The following EFNB2 variants were observed in gnomAD, a reference collection of about 807,000 sequenced individuals.
The protein encoded by EFNB2 is ephrin-B2.
EFNB2 carries 5 observed loss-of-function variants against 32.1 expected under a neutral mutation model. The ratio of observed to expected loss-of-function variants is 0.16; its 90% CI spans 0.08 to 0.33. The LOEUF (loss-of-function observed/expected upper bound fraction) is 0.33, where lower values mean the gene tolerates loss of function less well. Among genes scored for constraint, EFNB2 ranks in the 10% least tolerant of loss-of-function variants. EFNB2 has a pLI of 1.00. For synonymous variants in EFNB2, 168 were observed against 166.5 expected, an observed-to-expected ratio of 1.01 and a Z score of -0.07; for missense variants, 263 against 422.6, an observed-to-expected ratio of 0.62 and a Z score of 3.31.
At chr13:106,523,111 G>A (rs975639818) in intron 1 of EFNB2, among the ~76,000 whole-genome samples, 1 of 152,130 alleles carries the variant, frequency 6.6e-6, no homozygotes, top group East Asian at 1.9e-4. Context: ...GGTCTGCTGT[G>A]GGCGTATGAC....
chr13:106,495,005 A>G lies in EFNB2; in HGVS notation c.500-11T>C. On this transcript the variant is annotated splice_polypyrimidine_tract_variant and intron_variant, in intron 3 of 4. Coordinates refer to ENST00000646441, the MANE Select transcript of EFNB2 (RefSeq NM_004093.4). ...CAGCAGAACTTGCATCTATATGAAA[A>G]ACAAATGATTAATTACGGCACAGAC... 1 of 1,606,204 alleles carries G rather than the reference A, an allele frequency of 6.2e-7. No individual in the cohort carries two copies.
At chr13:106,534,421 G>C (rs1594181862) in intron 1 of EFNB2, among the ~76,000 whole-genome samples, 1 of 152,206 alleles carries the variant, frequency 6.6e-6, no homozygotes, top group East Asian at 1.9e-4. Context: ...GCGGGCCCCG[G>C]ACCACGCCGC....
At chr13:106,524,046 G>A (rs764321810) in intron 1 of EFNB2, among the ~76,000 whole-genome samples, 2 of 152,154 alleles carry the variant, frequency 1.3e-5, no homozygotes, top group Non-Finnish European at 2.9e-5. Flanking sequence ...TGACTATTAT[G>A]TATTGTAATA....
intron 2 of EFNB2, among the ~76,000 whole-genome samples, chr13:106,503,181 C>T (rs141029377): frequency 6.6e-6 from 1 of 151,766 alleles, no homozygotes. Context: ...CTTTCTAAGT[C>T]TAAGATCTTA....
In EFNB2 at chr13:106,492,951, T is replaced by G. The variant is rs958854366; in HGVS notation, c.*89A>C. On this transcript the variant is annotated 3_prime_UTR_variant, in exon 5 of 5. Coordinates refer to ENST00000646441, the MANE Select transcript of EFNB2 (RefSeq NM_004093.4). This position sits in a 1 kb window ranked among gnomAD's most constrained non-coding sequence, Gnocchi z 5.1. ...CCCCCGGTGCTGTGCTTCAGTCAAT[T>G]CTCCAGCACGCGGGCTCTCAAACCC... The G allele has an allele frequency of 4.0e-6, 6 of 1,491,426 alleles. No homozygotes were observed. Among genetic ancestry groups the G allele is most frequent in the Non-Finnish European group, 5.4e-6 (6 of 1,114,582 alleles). The allele number at this position is 1,491,426 out of a possible 1,614,324, so 92.4% of individuals were successfully genotyped here. A position where few individuals can be genotyped will look rare whatever the true frequency, so the allele number is the denominator to read the frequency against.
intron 1 of EFNB2, among the ~76,000 whole-genome samples, chr13:106,531,877 T>C (rs746971023): frequency 6.6e-6 from 1 of 152,084 alleles, no homozygotes; most frequent in Non-Finnish European, 1.5e-5. Flanking sequence ...TCAAAGTCAG[T>C]GTAATGCATT....
At chr13:106,513,075 C>T (rs1387541075) in intron 1 of EFNB2, among the ~76,000 whole-genome samples, 2 of 152,188 alleles carry the variant, frequency 1.3e-5, no homozygotes, top group Non-Finnish European at 2.9e-5. Context: ...CATTTCTTTA[C>T]CACCCCCTCG....
chr13:106,530,972 C>G (rs1320070057), intron 1 of EFNB2, among the ~76,000 whole-genome samples: 2 of 152,208 alleles, frequency 1.3e-5, no homozygotes, highest in East Asian at 1.9e-4. Context: ...AGGAACCATT[C>G]AAACACATAG....
At position 106,490,744 on chromosome 13, in the gene EFNB2, G is replaced by GAT. The variant is rs897573893; in HGVS notation, c.*2294_*2295dup. 1 of 151,414 alleles carries GAT rather than the reference G, an allele frequency of 6.6e-6. No homozygotes were observed. The highest frequency in any genetic ancestry group is 1.5e-5 in the Non-Finnish European group (1 of 67,916). 9.4% of individuals were successfully genotyped at this position (151,414 alleles called of 1,614,324 possible). A position where few individuals can be genotyped will look rare whatever the true frequency, so the allele number is the denominator to read the frequency against. On this transcript the variant is annotated 3_prime_UTR_variant, in exon 5 of 5. Coordinates refer to ENST00000646441, the MANE Select transcript of EFNB2 (RefSeq NM_004093.4). ...CAACCCTCCACAGAAATATGATATA[G>GAT]ATATATATAATATATATTGTAGATA...
At chr13:106,511,586 G>A (rs1247335491) in intron 2 of EFNB2, among the ~76,000 whole-genome samples, 1 of 152,154 alleles carries the variant, frequency 6.6e-6, no homozygotes, top group East Asian at 1.9e-4. Context: ...CCACCTTGGG[G>A]CAAATAATAA....
intron 1 of EFNB2, among the ~76,000 whole-genome samples, chr13:106,522,685 A>AT (rs71808363): frequency 0.25 from 38,074 of 151,188 alleles, 5,035 homozygotes; most frequent in Admixed American, 0.3. Flanking sequence ...CTACCATCAT[A>AT]TTTTTTTTTA....
chr13:106,530,230 T>C (rs1879827872), intron 1 of EFNB2, among the ~76,000 whole-genome samples: 1 of 152,170 alleles, frequency 6.6e-6, no homozygotes, highest in South Asian at 2.1e-4. Context: ...TCTTTGCTGT[T>C]CTTATATTCC....
At chr13:106,526,128 T>C (rs909082354) in intron 1 of EFNB2, among the ~76,000 whole-genome samples, 135 of 152,230 alleles carry the variant, frequency 8.9e-4, no homozygotes, top group African/African-American at 3.1e-3. Context: ...AAACCCCTGT[T>C]TTCTCAAGCC....
At chr13:106,533,588 T>A (rs904515860) in intron 1 of EFNB2, among the ~76,000 whole-genome samples, 1 of 152,180 alleles carries the variant, frequency 6.6e-6, no homozygotes, top group Admixed American at 6.5e-5. Context: ...TTGGTTAACA[T>A]GTTAGTGAAT....
At chr13:106,498,462 C>T (rs1878663908) in intron 2 of EFNB2, among the ~76,000 whole-genome samples, 1 of 151,860 alleles carries the variant, frequency 6.6e-6, no homozygotes, top group Non-Finnish European at 1.5e-5. Flanking sequence ...TTCTGAATAT[C>T]AATGCTTTTG....
At chr13:106,507,379 T>A (rs1452558397) in intron 2 of EFNB2, among the ~76,000 whole-genome samples, 1 of 152,172 alleles carries the variant, frequency 6.6e-6, no homozygotes, top group Non-Finnish European at 1.5e-5. Context: ...TCAGTACGTT[T>A]CAGTACTACT....
intron 1 of EFNB2, among the ~76,000 whole-genome samples, chr13:106,525,520 G>C (rs889117785): frequency 1.3e-5 from 2 of 152,230 alleles, no homozygotes; most frequent in African/African-American, 4.8e-5. Context: ...ACAGGTGGAC[G>C]TGATAGACAC....
chr13:106,497,811 T>A (rs1418288755), intron 2 of EFNB2, among the ~76,000 whole-genome samples: 2 of 152,192 alleles, frequency 1.3e-5, no homozygotes, highest in East Asian at 3.9e-4. Flanking sequence ...TCCCAGAGGC[T>A]TCAAACTATG....
chr13:106,498,347 C>G (rs1244864331), intron 2 of EFNB2, among the ~76,000 whole-genome samples: 2 of 152,208 alleles, frequency 1.3e-5, no homozygotes, highest in Non-Finnish European at 2.9e-5. Flanking sequence ...AGAACTGCGT[C>G]TGCAGAGGGA....
Sources: allele counts gnomAD v4.1 joint callset (sites outside exome capture counted in the v4.1 genomes callset), GRCh38; gene constraint gnomAD v4.1.1; non-coding constraint Gnocchi (gnomAD v3.1); transcripts MANE v1.5; gene names NCBI Gene and HGNC (gene_info 2026-07-23, HGNC 2026-07-21).